The following PGK1 variants were observed in gnomAD, a reference collection of about 807,000 sequenced individuals.
The protein encoded by PGK1 is PRP 2.
PGK1 carries 3 observed loss-of-function variants against 26.9 expected under a neutral mutation model. The observed-to-expected ratio is 0.11, with a 90% CI of 0.05 to 0.29. PGK1 has a LOEUF of 0.29. PGK1 is among the 10% of genes least tolerant of loss of function. The pLI is 1.00. For synonymous variants in PGK1, 125 were observed against 115.3 expected, an observed-to-expected ratio of 1.08 and a Z score of -0.54; for missense variants, 270 against 314.7, an observed-to-expected ratio of 0.86 and a Z score of 1.07.
At position 78,128,119 on chromosome X, in the gene PGK1, A is replaced by G. The variant is rs2078390820; in HGVS notation, c.*2289A>G. 8.9e-6 allele frequency: 1 copy of G among 112,922 alleles called. No homozygotes were observed. Among genetic ancestry groups the G allele is most frequent in the African/African-American group, 3.2e-5 (1 of 31,052 alleles). The allele number at this position is 112,922 out of a possible 1,213,427, so 9.3% of individuals were successfully genotyped here. Reference sequence around the variant, plus strand: ...AATCTCCAGTCATAAACAACTTGTCAATTAGGCAAATATTTGAGTTCCTTC... The same window carrying G: ...AATCTCCAGTCATAAACAACTTGTCGATTAGGCAAATATTTGAGTTCCTTC... On this transcript the variant is annotated 3_prime_UTR_variant, in exon 11 of 11. Transcript: ENST00000373316.
At chrX:78,111,535 T>A (rs905443959) in intron 2 of PGK1, among the ~76,000 whole-genome samples, 16 of 73,854 alleles carry the variant, frequency 2.2e-4, no homozygotes, top group Admixed American at 1.9e-3. Context: ...AGATCTGGCA[T>A]GTGTTTTTAT....
intron 8 of PGK1, among the ~76,000 whole-genome samples, chrX:78,123,874 T>C (rs2078369599): frequency 9.0e-6 from 1 of 111,695 alleles, no homozygotes; most frequent in African/African-American, 3.3e-5. Flanking sequence ...CCCAAAGTGC[T>C]GGGATTACAG....
At chrX:78,125,138 C>A in intron 9 of PGK1, 87 bp downstream of exon 9, 1 of 862,974 alleles carries the variant, frequency 1.2e-6, no homozygotes, top group Non-Finnish European at 1.7e-6. Context: ...TCTTCTATGT[C>A]TCTTTATTCT....
Position 78,104,394 on chromosome X carries a change from G to C in PGK1, c.54G>C (p.Arg18=), listed in dbSNP as rs782275817. 2 of 1,199,764 alleles carry C rather than the reference G, an allele frequency of 1.7e-6. No individual in the cohort carries two copies. The highest frequency in any genetic ancestry group is 2.3e-6 in the Non-Finnish European group (2 of 885,314). Reference sequence around the variant, plus strand: ...ACAAGCTGGACGTTAAAGGGAAGCGGGTCGTTATGAGGTAATTCTGCACGT... The same window carrying C: ...ACAAGCTGGACGTTAAAGGGAAGCGCGTCGTTATGAGGTAATTCTGCACGT... ...TLDKLDVKGK[R]VVMRVDFNVP... The change falls in exon 1 of 11, where the codon CGG becomes CGC. Residue 18 remains arginine (R), a synonymous_variant. Coordinates refer to ENST00000373316, the MANE Select transcript of PGK1 (RefSeq NM_000291.4).
At chrX:78,119,649 G>A (rs192290761) in intron 6 of PGK1, among the ~76,000 whole-genome samples, 6 of 111,381 alleles carry the variant, frequency 5.4e-5, no homozygotes, top group East Asian at 2.8e-4. Flanking sequence ...TCAAGGGGGC[G>A]GTTCACCCCA....
intron 2 of PGK1, among the ~76,000 whole-genome samples, chrX:78,110,265 G>T (rs1163110204): frequency 1.8e-5 from 2 of 109,796 alleles, no homozygotes; most frequent in African/African-American, 3.3e-5. Context: ...CAGTCCTCTG[G>T]CCTCAGCTTC....
chrX:78,122,432 TGTG>T (rs1557248129), intron 6 of PGK1, among the ~76,000 whole-genome samples: 20 of 106,540 alleles, frequency 1.9e-4, no homozygotes, highest in African/African-American at 7.0e-4. Flanking sequence ...TGTGTGTGTG[TGTG>T]TGTGTGTGTG....
At position 78,127,015 on chromosome X, in the gene PGK1, T is replaced by C. The variant is rs1193512989; in HGVS notation, c.*1185T>C. 1 of 112,905 alleles carries C rather than the reference T, an allele frequency of 8.9e-6. No homozygotes were observed. The highest frequency in any genetic ancestry group is 3.2e-5 in the African/African-American group (1 of 31,108). 9.3% of individuals were successfully genotyped at this position (112,905 alleles called of 1,213,427 possible). ...TATCCAATTTGTACTTGATGCCCTCTAGGCAGGGTGTACAGCTAGCTGTTG... is the reference window on the plus strand; with the variant it reads ...TATCCAATTTGTACTTGATGCCCTCCAGGCAGGGTGTACAGCTAGCTGTTG... On this transcript the variant is annotated 3_prime_UTR_variant, in exon 11 of 11. Transcript: ENST00000373316.
At chrX:78,124,764 T>A (rs2078373893) in intron 8 of PGK1, 110 bp from the exon 9 acceptor site, 1 of 624,581 alleles carries the variant, frequency 1.6e-6, no homozygotes, top group South Asian at 2.3e-5. Flanking sequence ...GGGTACTATT[T>A]GTTTCTAGAA....
intron 5 of PGK1, among the ~76,000 whole-genome samples, chrX:78,117,806 A>G (rs2078334097): frequency 8.9e-6 from 1 of 112,885 alleles, no homozygotes; most frequent in Admixed American, 9.3e-5. Flanking sequence ...CTGCCTGAAG[A>G]GTGTTAACTG....
At chrX:78,105,459 T>C (rs941962429) in intron 1 of PGK1, among the ~76,000 whole-genome samples, 1 of 111,433 alleles carries the variant, frequency 9.0e-6, no homozygotes, top group Middle Eastern at 4.7e-3. Context: ...TTTTGGGAAG[T>C]GGTTGATTGA....
intron 6 of PGK1, among the ~76,000 whole-genome samples, chrX:78,118,828 A>T (rs1354234635): frequency 9.0e-6 from 1 of 110,703 alleles, no homozygotes; most frequent in Non-Finnish European, 1.9e-5. Context: ...TCTGGTAGGG[A>T]GGGGGAGCCA....
rs2078331484 is a variant in PGK1 at position 78,117,340 on chromosome X, C to T, written c.446C>T (p.Ala149Val). The T allele has an allele frequency of 3.3e-6, 4 of 1,207,912 alleles. No homozygotes were observed. The East Asian group carries it at 1.2e-4, about 36-fold the overall frequency. ...KVKAEPAKIE[A>V]FRASLSKLGD... ...AAAGCCGAGCCAGCCAAAATAGAAG[C>T]TTTCCGAGCTTCACTTTCCAAGCTA... The change falls in exon 5 of 11, where the codon GCT becomes GTT. Residue 149 changes from alanine (A) to valine (V), a missense_variant. Around this residue, in one of 3 missense-constraint regions of PGK1, gnomAD observed 150 missense variants for 154.6 expected, o/e 0.97. Coordinates refer to ENST00000373316, the MANE Select transcript of PGK1 (RefSeq NM_000291.4).
In PGK1 at chrX:78,129,220, C is replaced by CCTATCTACCTATCTATCTATCTAT. The variant is rs372185667; in HGVS notation, c.*3397_*3398insCCTATCTATCTATCTATCTATCTA. The CCTATCTACCTATCTATCTATCTAT allele has an allele frequency of 5.0e-5, 5 of 100,064 alleles. No homozygotes were observed. The highest frequency in any genetic ancestry group is 1.9e-4 in the African/African-American group (5 of 26,621). 8.2% of individuals were successfully genotyped at this position (100,064 alleles called of 1,213,427 possible). A position where few individuals can be genotyped will look rare whatever the true frequency, so the allele number is the denominator to read the frequency against. ...CATAAAGAGCATACCCATGTGTGTA[C>CCTATCTACCTATCTATCTATCTAT]CTATCTATCTATCTATCTATCTATC... On this transcript the variant is annotated 3_prime_UTR_variant, in exon 11 of 11. Coordinates refer to ENST00000373316, the MANE Select transcript of PGK1 (RefSeq NM_000291.4).
intron 4 of PGK1, among the ~76,000 whole-genome samples, chrX:78,114,794 A>T (rs971954359): frequency 8.9e-6 from 1 of 112,520 alleles, no homozygotes; most frequent in Admixed American, 9.4e-5. Flanking sequence ...ATGTTGTGCA[A>T]AAGCAGCCAT....
chrX:78,125,159 T>A, intron 9 of PGK1, 108 bp downstream of exon 9: 1 of 796,996 alleles, frequency 1.3e-6, no homozygotes, highest in Non-Finnish European at 1.9e-6. Flanking sequence ...GGGTAAATGT[T>A]AAGAGGTAAA....
chrX:78,122,705 G>A (rs2078362327), intron 6 of PGK1, 130 bp from the exon 7 acceptor site: 2 of 493,269 alleles, frequency 4.1e-6, no homozygotes. Flanking sequence ...ATAGGGCAAA[G>A]TTAGGCAGTA....
At chrX:78,106,936 G>A (rs1407446315) in intron 1 of PGK1, among the ~76,000 whole-genome samples, 1 of 110,078 alleles carries the variant, frequency 9.1e-6, no homozygotes, top group Non-Finnish European at 1.9e-5. Flanking sequence ...TGATGTAGTG[G>A]GAAGAGAAAC....
At chrX:78,112,221 GCACA>G (rs1250190315) in intron 2 of PGK1, among the ~76,000 whole-genome samples, 2 of 111,059 alleles carry the variant, frequency 1.8e-5, no homozygotes, top group African/African-American at 3.3e-5. Flanking sequence ...TTACATGTAC[GCACA>G]CACACATACA....
Sources: gnomAD v4.1 joint callset for allele counts (sites outside exome capture counted in the v4.1 genomes callset) on GRCh38, gnomAD v4.1.1 for gene constraint, gnomAD v4.1.1 regional missense constraint, MANE v1.5 for transcripts, NCBI Gene and HGNC (gene_info 2026-07-23, HGNC 2026-07-21) for gene names.